The following TRPM3 variants were observed in gnomAD, a reference collection of about 807,000 sequenced individuals.
TRPM3 encodes the protein transient receptor potential cation channel subfamily M member 3, also known as long transient receptor potential channel 3.
Under a neutral mutation model 181.2 loss-of-function variants are expected in TRPM3, and 77 were observed. That is an observed-to-expected ratio of 0.42 (90% confidence interval 0.35 to 0.51). The LOEUF (loss-of-function observed/expected upper bound fraction) is 0.51. Ranked by LOEUF, TRPM3 falls within the 20% of genes least tolerant of loss-of-function variation. The probability of loss-of-function intolerance (pLI) is 0.01; values close to 1 mark genes in which losing one functional copy is unlikely to be tolerated. For synonymous variants in TRPM3, 745 were observed against 796.4 expected (o/e 0.94, Z 1.09); for missense variants, 1,759 against 2,196.7 (o/e 0.80, Z 3.98).
intron 9 of TRPM3, among the ~76,000 whole-genome samples, chr9:70,641,116 G>T (rs1279303058): frequency 6.6e-6 from 1 of 152,134 alleles, no homozygotes; most frequent in Admixed American, 6.6e-5. Context: ...GCCCCCATGT[G>T]TGAAGGGAGG....
chr9:71,322,110 G>C (rs1014335398), intron 1 of TRPM3, among the ~76,000 whole-genome samples: 1 of 152,052 alleles, frequency 6.6e-6, no homozygotes, highest in African/African-American at 2.4e-5. Context: ...CAACATTTTT[G>C]GTTGTATAGA....
At chr9:70,827,299 A>G (rs2093613799) in intron 6 of TRPM3, 1 of 152,208 alleles carries the variant, frequency 6.6e-6, no homozygotes, top group South Asian at 2.1e-4. Context: ...AGCCACCAAA[A>G]AAAGCTTAAT....
At chr9:71,063,866 A>G (rs1162093316) in intron 1 of TRPM3, among the ~76,000 whole-genome samples, 1 of 152,048 alleles carries the variant, frequency 6.6e-6, no homozygotes, top group Non-Finnish European at 1.5e-5. Flanking sequence ...GTGTAAGAAG[A>G]GAGATGTGGA....
chr9:71,123,229 G>A (rs2073830804), upstream of TRPM3, among the ~76,000 whole-genome samples: 1 of 152,158 alleles, frequency 6.6e-6, no homozygotes, highest in Non-Finnish European at 1.5e-5. Context: ...TCTTACATAA[G>A]AGTTAAAGAC....
At chr9:71,018,560 T>C (rs1283901332) in intron 1 of TRPM3, among the ~76,000 whole-genome samples, 1 of 151,642 alleles carries the variant, frequency 6.6e-6, no homozygotes, top group Non-Finnish European at 1.5e-5. Context: ...AAAACTCAGA[T>C]GCAAAGGGAA....
chr9:71,179,105 T>A (rs978105272), intron 1 of TRPM3, among the ~76,000 whole-genome samples: 4 of 152,180 alleles, frequency 2.6e-5, no homozygotes, highest in African/African-American at 9.6e-5. Context: ...CTTTCCTATA[T>A]TCTAGGTTTC....
intron 1 of TRPM3, among the ~76,000 whole-genome samples, chr9:71,364,477 C>A (rs755622099): frequency 6.6e-6 from 1 of 152,206 alleles, no homozygotes; most frequent in Non-Finnish European, 1.5e-5. Flanking sequence ...TCAGCAGTGT[C>A]AGGGAGACAG....
chr9:71,318,839 A>C (rs1211848564), intron 1 of TRPM3, among the ~76,000 whole-genome samples: 1 of 152,120 alleles, frequency 6.6e-6, no homozygotes, highest in Non-Finnish European at 1.5e-5. Flanking sequence ...GACATCTGAA[A>C]CCAGCACCAC....
chr9:71,318,694 G>A (rs1032967095), intron 1 of TRPM3, among the ~76,000 whole-genome samples: 11 of 152,218 alleles, frequency 7.2e-5, no homozygotes, highest in Admixed American at 6.5e-4. Flanking sequence ...ATCACAGGAC[G>A]TTGAGAGTTA....
intron 1 of TRPM3, among the ~76,000 whole-genome samples, chr9:70,867,177 C>T (rs2095666898): frequency 6.6e-6 from 1 of 151,982 alleles, no homozygotes; most frequent in African/African-American, 2.4e-5. Flanking sequence ...CTTCTTTTCT[C>T]CTTGCGGTAA....
intron 1 of TRPM3, among the ~76,000 whole-genome samples, chr9:70,958,637 C>G (rs1040441662): frequency 6.6e-6 from 1 of 152,098 alleles, no homozygotes; most frequent in African/African-American, 2.4e-5. Flanking sequence ...TACCATTTGA[C>G]CCAGCCATCC....
intron 1 of TRPM3, among the ~76,000 whole-genome samples, chr9:71,268,794 C>A (rs529881966): frequency 1.3e-5 from 2 of 152,018 alleles, no homozygotes; most frequent in East Asian, 3.9e-4. Context: ...TGCACTCCAG[C>A]CTGGGCGACA....
intron 22 of TRPM3, among the ~76,000 whole-genome samples, chr9:70,559,101 A>T (rs975295604): frequency 1.3e-5 from 2 of 152,226 alleles, no homozygotes; most frequent in African/African-American, 4.8e-5. Context: ...TTATAATAAC[A>T]AGTCAATGAC....
chr9:71,329,670 G>T (rs1418256147), intron 1 of TRPM3, among the ~76,000 whole-genome samples: 2 of 152,218 alleles, frequency 1.3e-5, no homozygotes. Flanking sequence ...TAAATATCTT[G>T]CATCAAGCTA....
chr9:71,117,173 CTCTAA>C (rs1299353155), intron 1 of TRPM3, among the ~76,000 whole-genome samples: 1 of 152,166 alleles, frequency 6.6e-6, no homozygotes, highest in Non-Finnish European at 1.5e-5. Context: ...TTCCCCAGGC[CTCTAA>C]TCTAATCTTT....
chr9:71,418,603 C>T (rs1039629906), intron 1 of TRPM3, among the ~76,000 whole-genome samples: 14 of 151,634 alleles, frequency 9.2e-5, no homozygotes, highest in African/African-American at 3.4e-4. Context: ...GGGAAAGGTC[C>T]TGAGCAGTCA....
At chr9:71,367,161 A>G (rs2132765319) in intron 1 of TRPM3, among the ~76,000 whole-genome samples, 1 of 152,328 alleles carries the variant, frequency 6.6e-6, no homozygotes, top group Non-Finnish European at 1.5e-5. Context: ...ATTGAGAGAT[A>G]CTGGCAATGC....
At chr9:70,761,276 C>A in intron 8 of TRPM3, 2 of 598,826 alleles carry the variant, frequency 3.3e-6, no homozygotes, top group Non-Finnish European at 5.9e-6. Context: ...AATCCGAAAC[C>A]TAAGAAGATC....
intron 3 of TRPM3, among the ~76,000 whole-genome samples, chr9:70,851,613 C>T: frequency 6.6e-6 from 1 of 152,136 alleles, no homozygotes; most frequent in East Asian, 1.9e-4. Context: ...TTTGAAGTAA[C>T]TTAACCCATA....
Sources: gnomAD v4.1 joint callset for allele counts (sites outside exome capture counted in the v4.1 genomes callset) on GRCh38, gnomAD v4.1.1 for gene constraint, MANE v1.5 for transcripts, NCBI Gene and HGNC (gene_info 2026-07-23, HGNC 2026-07-21) for gene names.